The following TMEM196 variants were observed in gnomAD, a reference collection of about 807,000 sequenced individuals.
TMEM196 encodes transmembrane protein 196.
A neutral mutation model predicts 20.0 loss-of-function variants in TMEM196; 17 were observed. That is an observed-to-expected ratio of 0.85 (90% CI 0.58 to 1.27). The LOEUF is 1.27. Among genes scored for constraint, TMEM196 ranks in the 50% most tolerant of loss-of-function variants. The pLI is 0.00. For missense variants in TMEM196, 267 were observed against 223.0 expected (o/e 1.20, Z -1.26); for synonymous variants, 113 against 88.9 (o/e 1.27, Z -1.52).
chr7:19,747,254 C>CAAA (rs35390088), intron 1 of TMEM196, among the ~76,000 whole-genome samples: 116 of 128,982 alleles, frequency 9.0e-4, no homozygotes, highest in East Asian at 3.9e-3. Flanking sequence ...GACTCCGTCT[C>CAAA]AAAAAAATAA....
chr7:19,721,253 C>A lies in TMEM196; in HGVS notation c.*875G>T, dbSNP rs969799816. ...CTATTGGAGTAGAATCTTAATAATA[C>A]CCCCACAGCATCACAATTTCTTTTC... On this transcript the variant is annotated 3_prime_UTR_variant, in exon 5 of 5. Transcript: ENST00000405844. The A allele has an allele frequency of 2.6e-5, 4 of 151,822 alleles. No homozygotes were observed. Among genetic ancestry groups the A allele is most frequent in the Non-Finnish European group, 5.9e-5 (4 of 67,798 alleles). The allele number at this position is 151,822 out of a possible 1,614,324, so 9.4% of individuals were successfully genotyped here.
intron 1 of TMEM196, among the ~76,000 whole-genome samples, chr7:19,760,763 A>G (rs543366677): frequency 6.6e-6 from 1 of 152,284 alleles, no homozygotes; most frequent in South Asian, 2.1e-4. Flanking sequence ...ATCAGGGATT[A>G]TGGTTATTTT....
At chr7:19,759,746 C>G (rs549758975) in intron 1 of TMEM196, among the ~76,000 whole-genome samples, 1 of 152,094 alleles carries the variant, frequency 6.6e-6, no homozygotes, top group Non-Finnish European at 1.5e-5. Flanking sequence ...TGCTTGATCT[C>G]AAAATCTGGT....
intron 1 of TMEM196, among the ~76,000 whole-genome samples, chr7:19,748,497 G>A (rs1177029527): frequency 6.6e-6 from 1 of 152,084 alleles, no homozygotes; most frequent in Non-Finnish European, 1.5e-5. Flanking sequence ...CCGCTTAAAC[G>A]CAGTGTATAC....
intron 1 of TMEM196, among the ~76,000 whole-genome samples, chr7:19,756,933 G>T (rs1005011206): frequency 9.9e-5 from 15 of 152,058 alleles, no homozygotes; most frequent in African/African-American, 3.1e-4. Flanking sequence ...CATCTCAAGT[G>T]CTCAATAGCC....
intron 1 of TMEM196, among the ~76,000 whole-genome samples, chr7:19,734,359 AGACTGAATTATG>A: frequency 6.6e-6 from 1 of 152,234 alleles, no homozygotes; most frequent in African/African-American, 2.4e-5. Context: ...GCATGGTGGT[AGACTGAATTATG>A]GCCCTCCAAA....
chr7:19,754,930 A>G (rs559393991), intron 1 of TMEM196, among the ~76,000 whole-genome samples: 1 of 152,210 alleles, frequency 6.6e-6, no homozygotes, highest in African/African-American at 2.4e-5. Flanking sequence ...CAGCTGATAC[A>G]GCACTTATTA....
intron 1 of TMEM196, among the ~76,000 whole-genome samples, chr7:19,760,577 T>A (rs1285437202): frequency 6.6e-6 from 1 of 151,970 alleles, no homozygotes; most frequent in Non-Finnish European, 1.5e-5. Flanking sequence ...GCCAGGCTGG[T>A]CTCAAACTCC....
chr7:19,735,085 T>C (rs1439499794), intron 1 of TMEM196, among the ~76,000 whole-genome samples: 1 of 152,184 alleles, frequency 6.6e-6, no homozygotes, highest in Admixed American at 6.5e-5. Flanking sequence ...TTTGTAACAT[T>C]CTTATATTAC....
At chr7:19,741,605 C>G (rs186879578) in intron 1 of TMEM196, among the ~76,000 whole-genome samples, 1 of 152,128 alleles carries the variant, frequency 6.6e-6, no homozygotes, top group Non-Finnish European at 1.5e-5. Flanking sequence ...AGTCATGACA[C>G]TGTGTGTTTC....
rs987477289 is a variant in TMEM196, at chr7:19,773,163, G to C, written c.-467C>G. The C allele has an allele frequency of 2.6e-5, 4 of 153,432 alleles. No homozygotes were observed. In the East Asian group the frequency reaches 7.7e-4, roughly 29 times the overall value. The allele number at this position is 153,432 out of a possible 1,614,324, so 9.5% of individuals were successfully genotyped here. ...GAGGAGAGGAGCTTTGCTTCCCGGA[G>C]ATCCAAAGGGAACCGCTCCGAGTTT... On this transcript the variant is annotated 5_prime_UTR_variant, in exon 1 of 5. The change creates a new upstream start codon in the 5' untranslated region. Transcript: ENST00000405844.
At chr7:19,738,589 A>G (rs894519119) in intron 1 of TMEM196, among the ~76,000 whole-genome samples, 1 of 152,098 alleles carries the variant, frequency 6.6e-6, no homozygotes, top group African/African-American at 2.4e-5. Context: ...GGCAGGAAAT[A>G]TATAAGATGA....
intron 1 of TMEM196, among the ~76,000 whole-genome samples, chr7:19,733,778 G>A (rs185646296): frequency 6.6e-6 from 1 of 152,122 alleles, no homozygotes; most frequent in African/African-American, 2.4e-5. Context: ...TCTCGCCCAA[G>A]ATCAACCCCA....
At position 19,772,536 on chromosome 7, in the gene TMEM196, A is replaced by T; in HGVS notation, c.147+14T>A. On this transcript the variant is annotated intron_variant, in intron 1 of 4. Transcript: ENST00000405844. ...GAGTGAAATGGCTCAACGTACACAC[A>T]CCCCGCTCCATACCGGGGACGAGTC... 1.3e-6 allele frequency: 2 copies of T among 1,534,156 alleles called. No individual in the cohort carries two copies. The highest frequency in any genetic ancestry group is 2.5e-5 in the East Asian group (1 of 40,114).
intron 1 of TMEM196, among the ~76,000 whole-genome samples, chr7:19,761,919 C>T (rs577481806): frequency 6.6e-6 from 1 of 152,326 alleles, no homozygotes; most frequent in East Asian, 1.9e-4. Flanking sequence ...ACATCTCCCC[C>T]TCAGTGTTCA....
intron 1 of TMEM196, among the ~76,000 whole-genome samples, chr7:19,734,384 T>A (rs889365868): frequency 2.6e-4 from 39 of 152,208 alleles, no homozygotes; most frequent in Non-Finnish European, 1.3e-4. Flanking sequence ...CCTCCAAATA[T>A]GTCCATCTTC....
chr7:19,740,545 G>A (rs557409243), intron 1 of TMEM196, among the ~76,000 whole-genome samples: 36 of 152,048 alleles, frequency 2.4e-4, no homozygotes, highest in Non-Finnish European at 4.1e-4. Flanking sequence ...AGAAAAAATA[G>A]CCCATCAAGA....
chr7:19,756,742 C>G (rs550511279), intron 1 of TMEM196, among the ~76,000 whole-genome samples: 5 of 152,196 alleles, frequency 3.3e-5, no homozygotes, highest in African/African-American at 9.6e-5. Flanking sequence ...GGATAATGGC[C>G]TCTAGCTCCA....
At chr7:19,752,063 C>A (rs1409941967) in intron 1 of TMEM196, among the ~76,000 whole-genome samples, 1 of 152,176 alleles carries the variant, frequency 6.6e-6, no homozygotes, top group Non-Finnish European at 1.5e-5. Flanking sequence ...TTCTGAATGT[C>A]ATGTTTTAAA....
Sources: gnomAD v4.1 joint callset for allele counts (sites outside exome capture counted in the v4.1 genomes callset) on GRCh38, gnomAD v4.1.1 for gene constraint, MANE v1.5 for transcripts, NCBI Gene and HGNC (gene_info 2026-07-23, HGNC 2026-07-21) for gene names.